The following PRIMPOL variants were observed in gnomAD, a reference collection of about 807,000 sequenced individuals.
PRIMPOL encodes the protein primase and DNA directed polymerase.
A neutral mutation model predicts 63.6 loss-of-function variants in PRIMPOL; 54 were observed. The observed-to-expected ratio is 0.85, with a 90% CI of 0.68 to 1.07. The LOEUF (loss-of-function observed/expected upper bound fraction) is 1.07, where lower values mean the gene tolerates loss of function less well. PRIMPOL is among the 50% of genes least tolerant of loss of function. The pLI is 0.00. For missense variants in PRIMPOL, 610 were observed against 648.3 expected, an observed-to-expected ratio of 0.94 and a Z score of 0.64; for synonymous variants, 197 against 220.2, an observed-to-expected ratio of 0.89 and a Z score of 0.93.
At chr4:184,682,087 T>C (rs1277681725) in intron 8 of PRIMPOL, among the ~76,000 whole-genome samples, 161 bp from the exon 9 acceptor site, 1 of 152,158 alleles carries the variant, frequency 6.6e-6, no homozygotes, top group Non-Finnish European at 1.5e-5. Flanking sequence ...GTAGGGTTTG[T>C]GGTTTTGTGG....
intron 5 of PRIMPOL, among the ~76,000 whole-genome samples, 193 bp downstream of exon 5, chr4:184,662,096 T>C (rs1748513692): frequency 6.6e-6 from 1 of 152,190 alleles, no homozygotes; most frequent in African/African-American, 2.4e-5. Context: ...CAATTTGTGT[T>C]CATATAGTTT....
At chr4:184,663,036 A>ATTC (rs1748834867) in intron 5 of PRIMPOL, among the ~76,000 whole-genome samples, 1 of 146,054 alleles carries the variant, frequency 6.8e-6, no homozygotes, top group African/African-American at 2.5e-5. Flanking sequence ...TATTATTATT[A>ATTC]TTATTATTAT....
At position 184,661,869 on chromosome 4, in the gene PRIMPOL, C is replaced by T. The variant is rs1316745294; in HGVS notation, c.374C>T (p.Ala125Val). Residue 125 changes from alanine to valine, a missense_variant, in exon 5 of 14, where the codon GCT (alanine) becomes GTT (valine). By Grantham distance (64) the Ala-to-Val change is moderately conservative. Around this residue, in one of 3 missense-constraint regions of PRIMPOL, gnomAD observed 159 missense variants for 168.9 expected, o/e 0.94. Transcript: ENST00000314970. ...LEFNKPANPGADGKKMVALLI... is the reference protein window; with the variant it reads ...LEFNKPANPGVDGKKMVALLI... ...TTTAACAAACCTGCCAACCCAGGAG[C>T]TGATGGGAAAAAGATGGTTGCATTA... is the stretch of plus-strand genomic sequence containing the variant. 6.2e-7 allele frequency: 1 copy of T among 1,613,446 alleles called. No individual in the cohort carries two copies. The highest frequency in any genetic ancestry group is 8.5e-7 in the Non-Finnish European group (1 of 1,179,552).
At chr4:184,683,471 A>G (rs1351520878) in intron 9 of PRIMPOL, among the ~76,000 whole-genome samples, 1 of 152,100 alleles carries the variant, frequency 6.6e-6, no homozygotes. Context: ...TTTTCATTTT[A>G]TGGTGTTTTT....
At chr4:184,681,816 G>A (rs542777673) in intron 8 of PRIMPOL, among the ~76,000 whole-genome samples, 6 of 152,074 alleles carry the variant, frequency 3.9e-5, no homozygotes, top group Admixed American at 3.9e-4. Flanking sequence ...TCAAGTGATC[G>A]GCCCATCTCA....
intron 11 of PRIMPOL, among the ~76,000 whole-genome samples, chr4:184,690,068 C>T (rs1190930924): frequency 6.6e-6 from 1 of 152,122 alleles, no homozygotes; most frequent in Admixed American, 6.5e-5. Context: ...CCCTTACCAC[C>T]TCCCCATCCC....
Position 184,666,028 on chromosome 4 carries a change from C to G in PRIMPOL, c.520C>G (p.Leu174Val), listed in dbSNP as rs760519739. ...EKFSRHLIFQ[L>V]HDVAFKDNIH... is the part of the protein sequence containing the mutation. Reference sequence around the variant, plus strand: ...ATTCAGCCGGCATTTAATATTTCAGCTCCATGATGTGGCATTTAAAGATAA... The same window carrying G: ...ATTCAGCCGGCATTTAATATTTCAGGTCCATGATGTGGCATTTAAAGATAA... Residue 174 changes from leucine to valine, a missense_variant, in exon 6 of 14, where the codon CTC (leucine) becomes GTC (valine). Around this residue, in one of 3 missense-constraint regions of PRIMPOL, gnomAD observed 444 missense variants for 456.4 expected, o/e 0.97. Transcript: ENST00000314970. 2 of 1,608,368 alleles carry G rather than the reference C, an allele frequency of 1.2e-6. No individual in the cohort carries two copies. The highest frequency in any genetic ancestry group is 2.7e-5 in the African/African-American group (2 of 74,804).
rs534342165 is a variant in PRIMPOL, at chr4:184,654,564, C to T, written c.-60+2464C>T. Among the ~76,000 whole-genome samples, 4 of 151,600 alleles carry T rather than the reference C, an allele frequency of 2.6e-5. No individual in the cohort carries two copies. The South Asian group carries it at 8.4e-4, about 32-fold the overall frequency. On this transcript the variant is annotated intron_variant, in intron 2 of 13. Transcript: ENST00000314970. ...CTCCCGGGTTCACGCCATTCTCCTG[C>T]CTCAGCCTCCTGAGTAGCTGGGACT...
At chr4:184,680,782 C>T (rs1167677420) in intron 8 of PRIMPOL, among the ~76,000 whole-genome samples, 1 of 152,192 alleles carries the variant, frequency 6.6e-6, no homozygotes, top group Non-Finnish European at 1.5e-5. Flanking sequence ...AAAACATTTA[C>T]AGCTGTGCCC....
intron 7 of PRIMPOL, among the ~76,000 whole-genome samples, chr4:184,673,185 A>C (rs1752318080): frequency 6.8e-6 from 1 of 147,724 alleles, no homozygotes; most frequent in South Asian, 2.1e-4. Flanking sequence ...GCCGGACTGC[A>C]GTGGCACAAT....
chr4:184,658,793 A>G (rs1048224239), intron 3 of PRIMPOL, among the ~76,000 whole-genome samples: 10 of 151,926 alleles, frequency 6.6e-5, no homozygotes, highest in African/African-American at 1.7e-4. Context: ...CTGTAATCCC[A>G]GCTACTTGGG....
intron 7 of PRIMPOL, among the ~76,000 whole-genome samples, chr4:184,675,180 A>G (rs1221047422): frequency 2.0e-5 from 3 of 152,204 alleles, no homozygotes; most frequent in Non-Finnish European, 4.4e-5. Flanking sequence ...AGAACTTATT[A>G]TGGCAGTGTA....
Position 184,657,416 on chromosome 4 carries a change from G to A in PRIMPOL, c.180+96G>A, listed in dbSNP as rs1456170100. ...TAATTTCAGTTCTTTAAAAAAAAAAGTCTATTATTTGTCTTCATTTCAGGC... is the reference window on the plus strand; with the variant it reads ...TAATTTCAGTTCTTTAAAAAAAAAAATCTATTATTTGTCTTCATTTCAGGC... On this transcript the variant is annotated intron_variant, in intron 3 of 13. Coordinates refer to ENST00000314970, the MANE Select transcript of PRIMPOL (RefSeq NM_152683.4). 5.9e-6 allele frequency: 6 copies of A among 1,017,346 alleles called. No individual in the cohort carries two copies. In the African/African-American group the frequency reaches 6.7e-5, roughly 11 times the overall value. The allele number at this position is 1,017,346 out of a possible 1,614,324, so 63.0% of individuals were successfully genotyped here.
At chr4:184,650,965 G>A (rs1327133482) in intron 1 of PRIMPOL, among the ~76,000 whole-genome samples, 2 of 151,864 alleles carry the variant, frequency 1.3e-5, no homozygotes, top group Admixed American at 6.6e-5. Flanking sequence ...AATTTAAAGA[G>A]GATAAGGTTT....
At chr4:184,686,996 C>A (rs1357141593) in intron 11 of PRIMPOL, among the ~76,000 whole-genome samples, 3 of 152,134 alleles carry the variant, frequency 2.0e-5, no homozygotes, top group Non-Finnish European at 4.4e-5. Context: ...ATCATAACAC[C>A]TTGTATTATG....
chr4:184,670,239 G>A (rs552911967), intron 6 of PRIMPOL, among the ~76,000 whole-genome samples: 1 of 152,268 alleles, frequency 6.6e-6, no homozygotes, highest in Admixed American at 6.5e-5. Flanking sequence ...AAGACCTGTG[G>A]CCTCCCCAGC....
chr4:184,671,986 C>T (rs969551782), intron 6 of PRIMPOL, among the ~76,000 whole-genome samples, 187 bp from the exon 7 acceptor site: 19 of 152,246 alleles, frequency 1.2e-4, no homozygotes, highest in Admixed American at 5.2e-4. Context: ...GTGATCCGCC[C>T]GCCTCGGCCT....
intron 2 of PRIMPOL, among the ~76,000 whole-genome samples, chr4:184,654,301 G>A (rs1174587716): frequency 1.3e-5 from 2 of 152,144 alleles, no homozygotes; most frequent in African/African-American, 4.8e-5. Flanking sequence ...TTTGTTAAAA[G>A]TTAATAAACT....
chr4:184,654,987 G>T (rs554057775), intron 2 of PRIMPOL, among the ~76,000 whole-genome samples: 22 of 151,996 alleles, frequency 1.4e-4, no homozygotes, highest in Admixed American at 1.2e-3. Flanking sequence ...TTTCTAACAA[G>T]GTCATGATGT....
Sources: gnomAD v4.1 joint callset for allele counts (sites outside exome capture counted in the v4.1 genomes callset) on GRCh38, gnomAD v4.1.1 for gene constraint, gnomAD v4.1.1 regional missense constraint, MANE v1.5 for transcripts, NCBI Gene and HGNC (gene_info 2026-07-23, HGNC 2026-07-21) for gene names.